UBE2E2: variants seen among roughly 807,000 people sequenced by gnomAD.
UBE2E2 encodes ubiquitin conjugating enzyme E2 E2.
A neutral mutation model predicts 24.7 loss-of-function variants in UBE2E2; 6 were observed. The ratio of observed to expected loss-of-function variants is 0.24; its 90% confidence interval spans 0.13 to 0.48. The LOEUF (loss-of-function observed/expected upper bound fraction) is 0.48. UBE2E2 is among the 20% of genes least tolerant of loss of function. UBE2E2 has a pLI of 0.99. For missense variants in UBE2E2, 169 were observed against 245.0 expected (o/e 0.69, Z 2.07); for synonymous variants, 104 against 83.6 (o/e 1.24, Z -1.33).
intron 3 of UBE2E2, among the ~76,000 whole-genome samples, chr3:23,253,936 C>G (rs1247991626): frequency 2.6e-5 from 4 of 152,088 alleles, no homozygotes; most frequent in Admixed American, 2.6e-4. Flanking sequence ...TGACCTCTCT[C>G]AAATAGGGTA....
At chr3:23,441,142 C>T (rs1456486480) in intron 3 of UBE2E2, among the ~76,000 whole-genome samples, 1 of 152,084 alleles carries the variant, frequency 6.6e-6, no homozygotes. Context: ...CTTGGGTATT[C>T]TGAAGCATCA....
In UBE2E2 at chr3:23,440,785, TTAA is replaced by T. The variant is rs143711296; in HGVS notation, c.228-58822_228-58820del. On this transcript the variant is annotated intron_variant, in intron 3 of 5. Transcript: ENST00000396703. ...AGCTGAGTTATTCTTTGACTTGGAT[TTAA>T]AAAAAAAGAAAAAAAGTGTCCTGAA... 4.4e-3 allele frequency among the ~76,000 whole-genome samples: 663 copies of T among 152,230 alleles called. 24 individuals are homozygous for T. The East Asian group carries it at 0.098, about 23-fold the overall frequency.
intron 3 of UBE2E2, among the ~76,000 whole-genome samples, chr3:23,380,728 G>A (rs1348697817): frequency 6.6e-6 from 1 of 152,178 alleles, no homozygotes; most frequent in Non-Finnish European, 1.5e-5. Flanking sequence ...TCTGGCTGGA[G>A]GGGTTCTAAG....
At chr3:23,528,645 G>A (rs913817143) in intron 4 of UBE2E2, among the ~76,000 whole-genome samples, 3 of 152,158 alleles carry the variant, frequency 2.0e-5, no homozygotes, top group African/African-American at 4.8e-5. Flanking sequence ...TGGTGTGCAC[G>A]CGTGAACCCG....
At chr3:23,400,611 C>CACACACACACACACACACACAT (rs747029496) in intron 3 of UBE2E2, among the ~76,000 whole-genome samples, 2 of 98,130 alleles carry the variant, frequency 2.0e-5, no homozygotes, top group African/African-American at 3.2e-5. Context: ...AAATGAAACA[C>CACACACACACACACACACACAT]ACACACACAC....
chr3:23,358,142 A>G (rs7617659), intron 3 of UBE2E2, among the ~76,000 whole-genome samples: 43,690 of 152,008 alleles, frequency 0.29, 6,514 homozygotes, highest in East Asian at 0.36. Flanking sequence ...CCAGAAATCT[A>G]TTTTAAAAGG....
intron 3 of UBE2E2, among the ~76,000 whole-genome samples, chr3:23,468,573 G>A (rs1269943786): frequency 6.6e-6 from 1 of 152,174 alleles, no homozygotes; most frequent in African/African-American, 2.4e-5. Flanking sequence ...GAAAAGAAGA[G>A]GAAATACACT....
chr3:23,565,232 G>A (rs1222512716), intron 5 of UBE2E2, among the ~76,000 whole-genome samples: 5 of 152,030 alleles, frequency 3.3e-5, no homozygotes, highest in Non-Finnish European at 5.9e-5. Context: ...GTGAGTCAAG[G>A]TATATGAACG....
chr3:23,246,067 G>A (rs984828839), intron 3 of UBE2E2, among the ~76,000 whole-genome samples: 1 of 152,018 alleles, frequency 6.6e-6, no homozygotes, highest in Non-Finnish European at 1.5e-5. Flanking sequence ...ATATATATGA[G>A]CTAGTCTTGT....
chr3:23,385,124 T>C (rs528940657), intron 3 of UBE2E2, among the ~76,000 whole-genome samples: 8 of 152,308 alleles, frequency 5.3e-5, no homozygotes, highest in African/African-American at 1.9e-4. Flanking sequence ...TGATGGTTGT[T>C]AACTGCTTTA....
chr3:23,552,228 C>T (rs1328387181), intron 5 of UBE2E2, among the ~76,000 whole-genome samples: 1 of 152,302 alleles, frequency 6.6e-6, no homozygotes, highest in African/African-American at 2.4e-5. Context: ...GTGGCACCCC[C>T]CTGTAGTCCT....
At chr3:23,468,643 A>G (rs985788690) in intron 3 of UBE2E2, among the ~76,000 whole-genome samples, 2 of 152,238 alleles carry the variant, frequency 1.3e-5, no homozygotes, top group African/African-American at 4.8e-5. Context: ...GACATTAGGC[A>G]AGTCACCTAA....
At chr3:23,257,365 T>G (rs889064294) in intron 3 of UBE2E2, among the ~76,000 whole-genome samples, 1 of 152,138 alleles carries the variant, frequency 6.6e-6, no homozygotes, top group Non-Finnish European at 1.5e-5. Flanking sequence ...AAATGAACTT[T>G]CCTTCTTATA....
chr3:23,353,256 A>G (rs1375470690), intron 3 of UBE2E2, among the ~76,000 whole-genome samples: 2 of 152,138 alleles, frequency 1.3e-5, no homozygotes, highest in African/African-American at 2.4e-5. Context: ...AGAGCTATCT[A>G]TGACAAACCC....
intron 3 of UBE2E2, among the ~76,000 whole-genome samples, chr3:23,491,540 G>A (rs961866875): frequency 1.3e-5 from 2 of 152,140 alleles, no homozygotes; most frequent in East Asian, 3.8e-4. Context: ...TTATGCAAAA[G>A]CCAGGAGACA....
chr3:23,229,596 A>G (rs1696921219), intron 3 of UBE2E2, among the ~76,000 whole-genome samples: 1 of 152,246 alleles, frequency 6.6e-6, no homozygotes, highest in South Asian at 2.1e-4. Flanking sequence ...CATAGCAAGT[A>G]AATGGCAGAA....
intron 3 of UBE2E2, among the ~76,000 whole-genome samples, chr3:23,303,782 A>G (rs540138533): frequency 1.4e-4 from 22 of 152,300 alleles, no homozygotes; most frequent in African/African-American, 5.3e-4. Context: ...ACTAGGGAAC[A>G]ATTTGTTTCA....
chr3:23,312,735 A>T (rs1206462322), intron 3 of UBE2E2, among the ~76,000 whole-genome samples: 1 of 151,574 alleles, frequency 6.6e-6, no homozygotes, highest in Non-Finnish European at 1.5e-5. Context: ...TTCTTTTTTG[A>T]CGTAGGCAAA....
At chr3:23,267,164 C>A (rs1287837626) in intron 3 of UBE2E2, among the ~76,000 whole-genome samples, 1 of 151,606 alleles carries the variant, frequency 6.6e-6, no homozygotes, top group Non-Finnish European at 1.5e-5. Context: ...CAAGAGCAAA[C>A]ACATTCAAAA....
Sources: allele counts gnomAD v4.1 joint callset (sites outside exome capture counted in the v4.1 genomes callset), GRCh38; gene constraint gnomAD v4.1.1; transcripts MANE v1.5; gene names NCBI Gene and HGNC (gene_info 2026-07-23, HGNC 2026-07-21).